The following BCL7B variants were observed in gnomAD, a reference collection of about 807,000 sequenced individuals.
The protein encoded by BCL7B is B-cell CLL/lymphoma 7 protein family member B.
In BCL7B, 11 loss-of-function variants were observed where a neutral mutation model predicts 26.5. That is an observed-to-expected ratio of 0.42 (90% CI 0.26 to 0.69). BCL7B has a LOEUF of 0.69. Ranked by LOEUF, BCL7B falls within the 30% of genes least tolerant of loss-of-function variation. The probability of loss-of-function intolerance (pLI) is 0.28; values close to 1 mark genes in which losing one functional copy is unlikely to be tolerated. For missense variants in BCL7B, 215 were observed against 264.4 expected, an observed-to-expected ratio of 0.81 and a Z score of 1.30; for synonymous variants, 111 against 107.9, an observed-to-expected ratio of 1.03 and a Z score of -0.18.
chr7:73,540,167 T>C (rs1791702527), intron 3 of BCL7B, 115 bp from the exon 4 acceptor site: 1 of 1,110,300 alleles, frequency 9.0e-7, no homozygotes, highest in Non-Finnish European at 1.3e-6. Context: ...TACAACTGAG[T>C]ATAATAATCA....
At chr7:73,551,554 T>C (rs1792172831) in intron 2 of BCL7B, among the ~76,000 whole-genome samples, 1 of 152,032 alleles carries the variant, frequency 6.6e-6, no homozygotes, top group East Asian at 1.9e-4. Flanking sequence ...TCCGCCCACC[T>C]TGGCCTCCCA....
chr7:73,539,439 A>C (rs1430400541), intron 4 of BCL7B, among the ~76,000 whole-genome samples: 1 of 151,738 alleles, frequency 6.6e-6, no homozygotes, highest in Non-Finnish European at 1.5e-5. Context: ...TTTTTAGTAG[A>C]GACGGTTTTG....
chr7:73,548,683 C>T (rs534451928), intron 2 of BCL7B, among the ~76,000 whole-genome samples: 349 of 151,796 alleles, frequency 2.3e-3, no homozygotes, highest in African/African-American at 8.1e-3. Flanking sequence ...GTAATCCCAA[C>T]ACTTTGGCAA....
intron 3 of BCL7B, among the ~76,000 whole-genome samples, chr7:73,541,237 G>C (rs533269808): frequency 6.6e-6 from 1 of 152,048 alleles, no homozygotes; most frequent in Non-Finnish European, 1.5e-5. Context: ...AGTCACCAAA[G>C]TGTTTCCCCC....
intron 4 of BCL7B, among the ~76,000 whole-genome samples, chr7:73,539,048 C>T (rs1173451014): frequency 1.3e-5 from 2 of 152,104 alleles, no homozygotes; most frequent in African/African-American, 4.8e-5. Flanking sequence ...CAACCTCTGC[C>T]TCCTGGGTTT....
intron 1 of BCL7B, 71 bp downstream of exon 1, chr7:73,557,416 C>T: frequency 8.3e-7 from 1 of 1,206,844 alleles, no homozygotes; most frequent in Non-Finnish European, 1.0e-6. Context: ...TCCCACCTGA[C>T]CCGCCAGTCC....
chr7:73,545,751 G>C (rs1791929369), intron 2 of BCL7B, among the ~76,000 whole-genome samples: 2 of 152,144 alleles, frequency 1.3e-5, no homozygotes, highest in South Asian at 4.1e-4. Context: ...GGTGCTAGGA[G>C]GTTCCCTGGA....
chr7:73,552,496 A>G (rs1792211799), intron 1 of BCL7B, among the ~76,000 whole-genome samples: 1 of 151,980 alleles, frequency 6.6e-6, no homozygotes. Context: ...AAAAAAATAC[A>G]GGCCAGGCGC....
chr7:73,538,888 T>C (rs1267367340), intron 4 of BCL7B, among the ~76,000 whole-genome samples: 1 of 133,408 alleles, frequency 7.5e-6, no homozygotes, highest in East Asian at 2.2e-4. Flanking sequence ...ATGCTGAAAA[T>C]AGAAGGACTT....
At chr7:73,548,587 A>C (rs1792041891) in intron 2 of BCL7B, among the ~76,000 whole-genome samples, 1 of 152,066 alleles carries the variant, frequency 6.6e-6, no homozygotes, top group African/African-American at 2.4e-5. Flanking sequence ...ACTGCATTCC[A>C]GCCTGGGCGA....
chr7:73,545,738 G>T (rs1791929033), intron 2 of BCL7B, among the ~76,000 whole-genome samples: 1 of 152,166 alleles, frequency 6.6e-6, no homozygotes, highest in African/African-American at 2.4e-5. Context: ...AGTCCATACA[G>T]TTGGTGCTAG....
chr7:73,557,266 G>T, intron 1 of BCL7B: 2 of 1,124,810 alleles, frequency 1.8e-6, no homozygotes, highest in Non-Finnish European at 2.2e-6. Flanking sequence ...GGCAGCAGCC[G>T]CAGCAGGTGG....
rs1317593793 is a variant in BCL7B, at chr7:73,537,000, T to C, written c.*298A>G. On this transcript the variant is annotated 3_prime_UTR_variant, in exon 6 of 6. Coordinates refer to ENST00000223368, the MANE Select transcript of BCL7B (RefSeq NM_001707.4). ...TGCCAGCAGCTCCGTCCAGAGATTC[T>C]GGAGCAGAGACTGCTGCCTGGAGGT... 1.6e-5 allele frequency: 5 copies of C among 312,026 alleles called. No homozygotes were observed. Among genetic ancestry groups the C allele is most frequent in the Non-Finnish European group, 3.0e-5 (5 of 164,820 alleles). The allele number at this position is 312,026 out of a possible 1,614,324, so 19.3% of individuals were successfully genotyped here.
chr7:73,551,646 C>T (rs970273711), intron 2 of BCL7B, among the ~76,000 whole-genome samples: 30 of 151,998 alleles, frequency 2.0e-4, no homozygotes, highest in South Asian at 1.9e-3. Flanking sequence ...CTAAGGAATA[C>T]GCCAGGGCTG....
chr7:73,556,658 G>A (rs1792370993), intron 1 of BCL7B, among the ~76,000 whole-genome samples: 1 of 152,106 alleles, frequency 6.6e-6, no homozygotes, highest in Non-Finnish European at 1.5e-5. Flanking sequence ...GTCTCTCTCC[G>A]TAGCCCAGGC....
intron 2 of BCL7B, among the ~76,000 whole-genome samples, chr7:73,544,192 G>A (rs933602589): frequency 1.3e-5 from 2 of 151,992 alleles, no homozygotes; most frequent in South Asian, 2.1e-4. Context: ...AGGCCAAGAC[G>A]CATGGATCAC....
intron 4 of BCL7B, 89 bp from the exon 5 acceptor site, chr7:73,538,102 T>C (rs1179912841): frequency 1.9e-5 from 14 of 756,294 alleles, no homozygotes; most frequent in Non-Finnish European, 3.0e-5. Context: ...GGAGGTGGCT[T>C]GGTGAGGAGG....
intron 1 of BCL7B, among the ~76,000 whole-genome samples, chr7:73,556,669 T>A (rs1554584751): frequency 6.6e-6 from 1 of 152,200 alleles, no homozygotes; most frequent in Non-Finnish European, 1.5e-5. Flanking sequence ...TAGCCCAGGC[T>A]GGAGTGCCGT....
chr7:73,548,408 A>T (rs186697987), intron 2 of BCL7B, among the ~76,000 whole-genome samples: 1 of 152,058 alleles, frequency 6.6e-6, no homozygotes, highest in Non-Finnish European at 1.5e-5. Context: ...AGACTGAGCA[A>T]CAGAGTGAGA....
Sources: gnomAD v4.1 joint callset for allele counts (sites outside exome capture counted in the v4.1 genomes callset) on GRCh38, gnomAD v4.1.1 for gene constraint, MANE v1.5 for transcripts, NCBI Gene and HGNC (gene_info 2026-07-23, HGNC 2026-07-21) for gene names.